Variants in CCDC141 observed in about 807,000 individuals in gnomAD.
The protein encoded by CCDC141 is coiled-coil domain-containing protein 141.
Under a neutral mutation model 181.0 loss-of-function variants are expected in CCDC141, and 168 were observed. The ratio of observed to expected loss-of-function variants is 0.93; its 90% CI spans 0.82 to 1.05. CCDC141 has a LOEUF of 1.05. CCDC141 is among the 50% of genes least tolerant of loss of function. The pLI, the probability that CCDC141 is intolerant of heterozygous loss-of-function variation, is 0.00. For synonymous variants in CCDC141, 666 were observed against 642.3 expected (o/e 1.04, Z -0.56); for missense variants, 1,902 against 1,788.5 (o/e 1.06, Z -1.14).
chr2:178,893,219 T>G (rs1575179472), intron 8 of CCDC141, among the ~76,000 whole-genome samples: 1 of 110,364 alleles, frequency 9.1e-6, no homozygotes, highest in South Asian at 2.9e-4. Context: ...GAAAAATAAT[T>G]GCTTTTTTTT....
chr2:178,908,709 T>C (rs1163857475), intron 7 of CCDC141, among the ~76,000 whole-genome samples: 5 of 152,226 alleles, frequency 3.3e-5, no homozygotes, highest in Non-Finnish European at 2.9e-5. Context: ...CCTTTCTTCC[T>C]TAAGATAATT....
chr2:178,964,920 TTTGA>T (rs370470664), intron 4 of CCDC141, among the ~76,000 whole-genome samples: 8 of 152,356 alleles, frequency 5.3e-5, no homozygotes, highest in African/African-American at 1.7e-4. Context: ...CATTAATTGT[TTTGA>T]TTAATTTTCA....
At chr2:178,867,935 A>G in intron 16 of CCDC141, 91 bp downstream of exon 16, 3 of 998,348 alleles carry the variant, frequency 3.0e-6, no homozygotes, top group Non-Finnish European at 4.3e-6. Flanking sequence ...TAAATTTAAC[A>G]TATACTAAGC....
rs1174208429 is a variant in CCDC141 at position 178,834,138 on chromosome 2, C to G, written c.*35G>C. On this transcript the variant is annotated 3_prime_UTR_variant, in exon 24 of 24. Coordinates refer to ENST00000443758, the MANE Select transcript of CCDC141 (RefSeq NM_173648.4). Reference sequence around the variant, plus strand: ...AAACGGCGGCACTTTTCTTTAGGCACATGAGAATGATGTCCATTGGTGCCA... The same window carrying G: ...AAACGGCGGCACTTTTCTTTAGGCAGATGAGAATGATGTCCATTGGTGCCA... 1 of 1,526,008 alleles carries G rather than the reference C, an allele frequency of 6.6e-7. No individual in the cohort carries two copies. The highest frequency in any genetic ancestry group is 2.5e-5 in the East Asian group (1 of 40,662). 94.5% of individuals were successfully genotyped at this position (1,526,008 alleles called of 1,614,324 possible).
At chr2:178,864,502 C>T (rs73973172) in intron 17 of CCDC141, among the ~76,000 whole-genome samples, 5,276 of 152,280 alleles carry the variant, frequency 0.035, 311 homozygotes, top group African/African-American at 0.12. Context: ...AAAGTAACTC[C>T]CTGGAACACA....
At chr2:178,853,972 G>A (rs1685276292) in intron 19 of CCDC141, among the ~76,000 whole-genome samples, 1 of 152,060 alleles carries the variant, frequency 6.6e-6, no homozygotes, top group Non-Finnish European at 1.5e-5. Context: ...AAAGCATCTG[G>A]CACTAAAAAG....
At position 178,918,746 on chromosome 2, in the gene CCDC141, C is replaced by T. The variant is rs1391287036; in HGVS notation, c.1059G>A (p.Lys353=). Residue 353 remains lysine, a synonymous_variant, in exon 7 of 24, where the codon AAG becomes AAA. Transcript: ENST00000443758. The part of the protein sequence containing the change: ...QLMVERNTWL[K]KANEFFNSAN... Reference sequence around the variant, plus strand: ...CACTGTTAAAAAATTCATTCGCCTTCTTTAACCAGGTATTCCTTTCCACCA... The same window carrying T: ...CACTGTTAAAAAATTCATTCGCCTTTTTTAACCAGGTATTCCTTTCCACCA... 1 of 1,550,520 alleles carries T rather than the reference C, an allele frequency of 6.4e-7. No homozygotes were observed. The highest frequency in any genetic ancestry group is 2.4e-5 in the East Asian group (1 of 40,920).
chr2:178,856,314 A>T lies in CCDC141; in HGVS notation c.2808T>A (p.Asn936Lys), dbSNP rs1267143113. Reference protein sequence around the residue: ...NYTKKNEKSRNLKALKYQIQQ... With the variant: ...NYTKKNEKSRKLKALKYQIQQ... ...GAATTTGATATTTAAGCGCCTTCAG[A>T]TTCCGAGATTTTTCATTTTTCTTAG... is the stretch of plus-strand genomic sequence containing the variant. The change falls in exon 18 of 24, where the codon AAT (asparagine) becomes AAA (lysine). Residue 936 changes from asparagine to lysine, a missense_variant. Coordinates refer to ENST00000443758, the MANE Select transcript of CCDC141 (RefSeq NM_173648.4). The T allele has an allele frequency of 6.2e-6, 10 of 1,610,654 alleles. No individual in the cohort carries two copies. In the Admixed American group the frequency reaches 6.8e-5, roughly 11 times the overall value.
intron 6 of CCDC141, among the ~76,000 whole-genome samples, chr2:178,927,869 G>A (rs999413561): frequency 6.6e-6 from 1 of 152,152 alleles, no homozygotes; most frequent in Admixed American, 6.5e-5. Context: ...GGGCACCGAA[G>A]AAAAGAACAA....
chr2:178,953,606 A>C (rs1291703600), intron 5 of CCDC141, among the ~76,000 whole-genome samples: 1 of 152,196 alleles, frequency 6.6e-6, no homozygotes, highest in Non-Finnish European at 1.5e-5. Context: ...CTTTTTGTTG[A>C]TATAAATGTT....
intron 4 of CCDC141, among the ~76,000 whole-genome samples, chr2:178,966,954 A>T (rs1690667338): frequency 6.6e-6 from 1 of 151,960 alleles, no homozygotes; most frequent in Non-Finnish European, 1.5e-5. Context: ...TTCGTGAAGC[A>T]TACACAAGTT....
In CCDC141 at chr2:178,837,442, C is replaced by T. The variant is rs765678047; in HGVS notation, c.3777G>A (p.Gly1259=). ...GTGGAAGAACAGATTCCTGGGCATCCCCTGGGCTGCTGGTCCCAGCCTGCA... is the reference window on the plus strand; with the variant it reads ...GTGGAAGAACAGATTCCTGGGCATCTCCTGGGCTGCTGGTCCCAGCCTGCA... ...YGVQAGTSSP[G]DAQESVLPPP... is the part of the protein sequence containing the mutation. The change falls in exon 23 of 24, where the codon GGG becomes GGA. Residue 1259 remains glycine (G), a synonymous_variant. Coordinates refer to ENST00000443758, the MANE Select transcript of CCDC141 (RefSeq NM_173648.4). 8 of 1,614,076 alleles carry T rather than the reference C, an allele frequency of 5.0e-6. No homozygotes were observed. The Admixed American group carries it at 1.3e-4, about 27-fold the overall frequency.
chr2:178,939,030 G>C (rs541131583), intron 6 of CCDC141, among the ~76,000 whole-genome samples: 63 of 151,784 alleles, frequency 4.2e-4, no homozygotes, highest in South Asian at 6.2e-4. Flanking sequence ...CTTTTGGTTC[G>C]GTTTGTTTTA....
At chr2:178,851,515 G>A (rs965766128) in intron 20 of CCDC141, among the ~76,000 whole-genome samples, 1 of 152,116 alleles carries the variant, frequency 6.6e-6, no homozygotes, top group South Asian at 2.1e-4. Context: ...AGACACCAGG[G>A]GCATGTGTGT....
intron 7 of CCDC141, among the ~76,000 whole-genome samples, chr2:178,913,017 T>C (rs910290267): frequency 2.6e-5 from 4 of 152,232 alleles, no homozygotes; most frequent in Non-Finnish European, 5.9e-5. Flanking sequence ...GCTTTCTCCA[T>C]CATAGCTTTC....
At chr2:178,993,764 A>G (rs1464218119) in intron 2 of CCDC141, among the ~76,000 whole-genome samples, 1 of 152,196 alleles carries the variant, frequency 6.6e-6, no homozygotes, top group Non-Finnish European at 1.5e-5. Flanking sequence ...AAAAGCAGTT[A>G]ATTACTTCCT....
chr2:178,941,307 C>G (rs947582547), intron 6 of CCDC141, among the ~76,000 whole-genome samples: 1 of 152,216 alleles, frequency 6.6e-6, no homozygotes, highest in Non-Finnish European at 1.5e-5. Flanking sequence ...CACCACTCCC[C>G]CTTGTGCATA....
intron 4 of CCDC141, 25 bp from the exon 5 acceptor site, chr2:178,961,508 A>G (rs762808441): frequency 6.6e-7 from 1 of 1,520,842 alleles, no homozygotes; most frequent in Non-Finnish European, 8.9e-7. Flanking sequence ...GAAAGAAAAA[A>G]GAATAATGAT....
intron 7 of CCDC141, among the ~76,000 whole-genome samples, chr2:178,909,468 G>A (rs1185405533): frequency 2.0e-5 from 3 of 152,114 alleles, no homozygotes; most frequent in Non-Finnish European, 4.4e-5. Flanking sequence ...TAACCAACCC[G>A]TAATAGGAAT....
Sources: allele counts gnomAD v4.1 joint callset (sites outside exome capture counted in the v4.1 genomes callset), GRCh38; gene constraint gnomAD v4.1.1; transcripts MANE v1.5; gene names NCBI Gene and HGNC (gene_info 2026-07-23, HGNC 2026-07-21).